Variants in CCDC148 observed in about 807,000 individuals in gnomAD.
The protein encoded by CCDC148 is coiled-coil domain containing 148.
CCDC148 carries 89 observed loss-of-function variants against 85.7 expected under a neutral mutation model. The observed-to-expected ratio is 1.04, with a 90% CI of 0.87 to 1.24. The LOEUF (loss-of-function observed/expected upper bound fraction) is 1.24, where lower values mean the gene tolerates loss of function less well. CCDC148 is among the 50% of genes most tolerant of loss of function. The pLI, the probability that CCDC148 is intolerant of heterozygous loss-of-function variation, is 0.00. For synonymous variants in CCDC148, 230 were observed against 213.9 expected (o/e 1.08, Z -0.66); for missense variants, 692 against 671.7 (o/e 1.03, Z -0.33).
chr2:158,250,156 A>G (rs556622677), intron 10 of CCDC148, among the ~76,000 whole-genome samples: 1 of 152,212 alleles, frequency 6.6e-6, no homozygotes, highest in South Asian at 2.1e-4. Context: ...ATATATTTAA[A>G]ACAAAACAAC....
At chr2:158,328,198 G>A (rs1350102213) in intron 7 of CCDC148, among the ~76,000 whole-genome samples, 2 of 152,022 alleles carry the variant, frequency 1.3e-5, no homozygotes, top group African/African-American at 2.4e-5. Context: ...AGTGTGCGAT[G>A]TTGCCCTTCC....
intron 11 of CCDC148, among the ~76,000 whole-genome samples, chr2:158,208,744 T>C (rs73011459): frequency 0.036 from 5,529 of 152,262 alleles, 154 homozygotes; most frequent in East Asian, 0.099. Flanking sequence ...TTTGCTAAGC[T>C]TGGGTCTGTG....
chr2:158,261,617 G>A (rs1574499467), intron 9 of CCDC148, among the ~76,000 whole-genome samples: 1 of 151,530 alleles, frequency 6.6e-6, no homozygotes, highest in Non-Finnish European at 1.5e-5. Context: ...TGCAAGCTAT[G>A]CATCTGACAA....
chr2:158,321,498 C>A (rs1040123901), intron 7 of CCDC148, among the ~76,000 whole-genome samples: 15 of 152,300 alleles, frequency 9.8e-5, no homozygotes, highest in African/African-American at 3.6e-4. Context: ...TGAGACTGGA[C>A]ATGCCCAGGC....
intron 10 of CCDC148, among the ~76,000 whole-genome samples, chr2:158,237,116 G>A (rs1688142230): frequency 6.6e-6 from 1 of 152,190 alleles, no homozygotes; most frequent in Non-Finnish European, 1.5e-5. Context: ...GCAAAAGGCT[G>A]AGAGGACATA....
At chr2:158,175,168 T>C (rs1684515613) in intron 13 of CCDC148, among the ~76,000 whole-genome samples, 1 of 151,988 alleles carries the variant, frequency 6.6e-6, no homozygotes, top group Admixed American at 6.6e-5. Context: ...AGAGGTGAAA[T>C]AGGTCAACCG....
At chr2:158,391,396 C>A (rs2105297100) in intron 1 of CCDC148, among the ~76,000 whole-genome samples, 1 of 152,252 alleles carries the variant, frequency 6.6e-6, no homozygotes, top group South Asian at 2.1e-4. Context: ...TTTTAGAGAA[C>A]ATTTAACCAA....
intron 11 of CCDC148, among the ~76,000 whole-genome samples, chr2:158,184,178 T>C (rs968757191): frequency 6.6e-6 from 1 of 151,998 alleles, no homozygotes; most frequent in African/African-American, 2.4e-5. Flanking sequence ...GACACTGACA[T>C]CCTGGTACAG....
rs564786524 is a variant in CCDC148 at position 158,278,059 on chromosome 2, C to G, written c.1111-27147G>C. On this transcript the variant is annotated intron_variant, in intron 9 of 13. Coordinates refer to ENST00000283233, the MANE Select transcript of CCDC148 (RefSeq NM_138803.4). ...TTAGAGTGTCCCCTTCTAACCAGAT[C>G]CACAAATAATCTATGTTATTAACAT... Among the ~76,000 whole-genome samples the G allele has an allele frequency of 5.3e-5, 8 of 152,234 alleles. No individual in the cohort carries two copies. The South Asian group carries it at 1.7e-3, about 32-fold the overall frequency.
intron 9 of CCDC148, among the ~76,000 whole-genome samples, chr2:158,281,040 C>T (rs1331732314): frequency 3.9e-5 from 6 of 152,064 alleles, no homozygotes; most frequent in African/African-American, 7.2e-5. Flanking sequence ...GGGTACATAA[C>T]GAAATGGAGT....
At chr2:158,408,753 T>A (rs895806442) in intron 1 of CCDC148, among the ~76,000 whole-genome samples, 1 of 152,074 alleles carries the variant, frequency 6.6e-6, no homozygotes, top group Admixed American at 6.6e-5. Flanking sequence ...TACATATATT[T>A]TTTGAATATA....
chr2:158,369,613 C>T (rs1684350768), intron 1 of CCDC148, among the ~76,000 whole-genome samples: 1 of 152,092 alleles, frequency 6.6e-6, no homozygotes, highest in Non-Finnish European at 1.5e-5. Flanking sequence ...ATGTCATCTG[C>T]ACACAGAGAC....
At chr2:158,316,264 A>G (rs1574609461) in intron 7 of CCDC148, among the ~76,000 whole-genome samples, 1 of 152,358 alleles carries the variant, frequency 6.6e-6, no homozygotes, top group East Asian at 1.9e-4. Context: ...AAATAGAAGC[A>G]CACATTAAGC....
intron 11 of CCDC148, among the ~76,000 whole-genome samples, chr2:158,201,979 G>T (rs929625994): frequency 5.9e-5 from 9 of 152,096 alleles, no homozygotes; most frequent in Admixed American, 1.3e-4. Context: ...CAAATGGCAT[G>T]GCATAACAAA....
intron 9 of CCDC148, among the ~76,000 whole-genome samples, chr2:158,285,692 G>A (rs2685639): frequency 0.31 from 47,095 of 151,090 alleles, 8,115 homozygotes; most frequent in Middle Eastern, 0.45. Flanking sequence ...CACCACGCCC[G>A]GCTAATTTTT....
intron 2 of CCDC148, among the ~76,000 whole-genome samples, chr2:158,345,852 A>G (rs1158746134): frequency 3.9e-5 from 6 of 152,238 alleles, no homozygotes; most frequent in African/African-American, 1.2e-4. Context: ...GGTTCCTTGG[A>G]TAAGTTTTTA....
At chr2:158,374,235 T>C (rs934264431) in intron 1 of CCDC148, among the ~76,000 whole-genome samples, 2 of 152,036 alleles carry the variant, frequency 1.3e-5, no homozygotes, top group Non-Finnish European at 2.9e-5. Flanking sequence ...TAACTGCAGT[T>C]GACCGGTGCC....
chr2:158,202,372 A>G (rs1686012941), intron 11 of CCDC148, among the ~76,000 whole-genome samples: 1 of 152,246 alleles, frequency 6.6e-6, no homozygotes, highest in South Asian at 2.1e-4. Context: ...CAATCAGATG[A>G]GAATGGTGTC....
chr2:158,423,189 C>T (rs1192030837), intron 1 of CCDC148, among the ~76,000 whole-genome samples: 1 of 152,170 alleles, frequency 6.6e-6, no homozygotes, highest in Non-Finnish European at 1.5e-5. Flanking sequence ...CCATCCCCAT[C>T]AAGCTACCAA....
Sources: allele counts gnomAD v4.1 joint callset (sites outside exome capture counted in the v4.1 genomes callset), GRCh38; gene constraint gnomAD v4.1.1; transcripts MANE v1.5; gene names NCBI Gene and HGNC (gene_info 2026-07-23, HGNC 2026-07-21).